GMDS: variants seen among roughly 807,000 people sequenced by gnomAD.
GMDS encodes GDP-mannose 4,6-dehydratase.
Under a neutral mutation model 49.9 loss-of-function variants are expected in GMDS, and 20 were observed. The observed-to-expected ratio is 0.40, with a 90% CI of 0.28 to 0.58. The LOEUF (loss-of-function observed/expected upper bound fraction) is 0.58. GMDS is among the 20% of genes least tolerant of loss of function. The pLI is 0.42. For synonymous variants in GMDS, 177 were observed against 178.6 expected (o/e 0.99, Z 0.07); for missense variants, 362 against 481.4 (o/e 0.75, Z 2.32).
chr6:1,785,557 G>T (rs1034131005), intron 7 of GMDS, among the ~76,000 whole-genome samples: 4 of 152,154 alleles, frequency 2.6e-5, no homozygotes, highest in Admixed American at 2.0e-4. Context: ...CGCCACGTGG[G>T]CCCCCTTGGG....
At chr6:1,891,965 A>G (rs2113841871) in intron 7 of GMDS, among the ~76,000 whole-genome samples, 1 of 152,336 alleles carries the variant, frequency 6.6e-6, no homozygotes, top group Non-Finnish European at 1.5e-5. Context: ...TAGTTACGCC[A>G]TATAAATTGT....
intron 4 of GMDS, among the ~76,000 whole-genome samples, chr6:2,036,165 T>C (rs1314760580): frequency 3.9e-5 from 6 of 152,172 alleles, no homozygotes; most frequent in Non-Finnish European, 7.4e-5. Context: ...AACTCAACCC[T>C]GAACTCCCTT....
chr6:1,745,345 A>T (rs376998777), intron 7 of GMDS, among the ~76,000 whole-genome samples: 8 of 145,488 alleles, frequency 5.5e-5, no homozygotes, highest in Non-Finnish European at 7.6e-5. Flanking sequence ...TTGGAGAAAC[A>T]TGACTGTTGG....
intron 1 of GMDS, among the ~76,000 whole-genome samples, chr6:2,141,865 G>GCTCTCTCTCTCTCTCTCTCTCT (rs67628075): frequency 2.1e-4 from 30 of 145,592 alleles, no homozygotes; most frequent in South Asian, 4.4e-4. Context: ...GGTTGTGCGT[G>GCTCTCTCTCTCTCTCTCTCTCT]CTCTCTCTCT....
chr6:1,664,191 A>T (rs1268416225), intron 9 of GMDS, among the ~76,000 whole-genome samples: 1 of 152,184 alleles, frequency 6.6e-6, no homozygotes, highest in Non-Finnish European at 1.5e-5. Flanking sequence ...CAACTCTTGG[A>T]ATCTTTATCA....
intron 1 of GMDS, among the ~76,000 whole-genome samples, chr6:2,233,469 T>C (rs1781206624): frequency 6.6e-6 from 1 of 152,212 alleles, no homozygotes; most frequent in Non-Finnish European, 1.5e-5. Flanking sequence ...TAACTCTATG[T>C]GGAAGCAGCC....
chr6:1,863,005 A>C (rs1313868158), intron 7 of GMDS, among the ~76,000 whole-genome samples: 1 of 152,256 alleles, frequency 6.6e-6, no homozygotes, highest in Non-Finnish European at 1.5e-5. Flanking sequence ...TTAAAGGCTA[A>C]ACTAGCCACA....
rs535074454 is a variant in GMDS at position 1,636,950 on chromosome 6, G to A, written c.988-12410C>T. Among the ~76,000 whole-genome samples the A allele has an allele frequency of 5.9e-5, 9 of 152,300 alleles. No individual in the cohort carries two copies. In the South Asian group the frequency reaches 1.2e-3, roughly 21 times the overall value. On this transcript the variant is annotated intron_variant, in intron 9 of 10. Transcript: ENST00000380815. ...TCGCTGGGACCGGAAGAACTCTAAC[G>A]GCCCCTCTCCAAGCTACTGCTTGCC...
At chr6:2,177,920 C>T (rs1456655323) in intron 1 of GMDS, among the ~76,000 whole-genome samples, 6 of 152,074 alleles carry the variant, frequency 3.9e-5, no homozygotes, top group Non-Finnish European at 7.4e-5. Flanking sequence ...ATAAAGAAAA[C>T]GTGGTATCTA....
chr6:1,919,720 G>A (rs1376564453), intron 7 of GMDS, among the ~76,000 whole-genome samples: 1 of 152,176 alleles, frequency 6.6e-6, no homozygotes, highest in Non-Finnish European at 1.5e-5. Flanking sequence ...TAGAGTAGAA[G>A]CACATGGAAC....
At chr6:1,624,569 G>C (rs747616435) in intron 9 of GMDS, 29 bp from the exon 10 acceptor site, 1 of 1,564,050 alleles carries the variant, frequency 6.4e-7, no homozygotes, top group Non-Finnish European at 8.8e-7. Flanking sequence ...AGACGAAGCA[G>C]GCGTGGGTCG....
intron 4 of GMDS, among the ~76,000 whole-genome samples, chr6:2,059,799 C>A (rs993570735): frequency 1.9e-4 from 29 of 150,090 alleles, no homozygotes; most frequent in Non-Finnish European, 3.5e-4. Context: ...CTTACCAACC[C>A]CAAATATATA....
At chr6:1,940,164 C>A (rs1045353061) in intron 6 of GMDS, among the ~76,000 whole-genome samples, 1 of 144,942 alleles carries the variant, frequency 6.9e-6, no homozygotes, top group Non-Finnish European at 1.5e-5. Context: ...TACAGATACA[C>A]GATTGTATAT....
chr6:2,088,641 G>A (rs1170401806), intron 4 of GMDS, among the ~76,000 whole-genome samples: 4 of 152,090 alleles, frequency 2.6e-5, no homozygotes, highest in African/African-American at 9.7e-5. Flanking sequence ...GTAAATTAGA[G>A]AACACTGGTT....
At chr6:1,769,715 T>C (rs892501219) in intron 7 of GMDS, among the ~76,000 whole-genome samples, 1 of 152,166 alleles carries the variant, frequency 6.6e-6, no homozygotes, top group Non-Finnish European at 1.5e-5. Context: ...TTTTATTTTT[T>C]TTTTTGAGAC....
At chr6:1,889,748 T>C (rs1390619580) in intron 7 of GMDS, among the ~76,000 whole-genome samples, 2 of 152,184 alleles carry the variant, frequency 1.3e-5, no homozygotes, top group African/African-American at 4.8e-5. Flanking sequence ...AAAGAAACAC[T>C]GTACCCATTA....
intron 7 of GMDS, among the ~76,000 whole-genome samples, chr6:1,846,490 T>C (rs1045174096): frequency 3.9e-5 from 6 of 152,086 alleles, no homozygotes; most frequent in African/African-American, 1.2e-4. Flanking sequence ...TGAACCATAG[T>C]TTATAAAAAA....
At chr6:1,667,136 G>C (rs937066246) in intron 9 of GMDS, among the ~76,000 whole-genome samples, 12 of 152,280 alleles carry the variant, frequency 7.9e-5, no homozygotes, top group African/African-American at 2.9e-4. Flanking sequence ...GTGACGGTAG[G>C]GTTCTATAGA....
intron 7 of GMDS, among the ~76,000 whole-genome samples, chr6:1,853,288 G>T (rs925852506): frequency 6.6e-6 from 1 of 151,642 alleles, no homozygotes; most frequent in Non-Finnish European, 1.5e-5. Context: ...GGAGGCCGAG[G>T]CGGGCGGATC....
Sources: gnomAD v4.1 joint callset for allele counts (sites outside exome capture counted in the v4.1 genomes callset) on GRCh38, gnomAD v4.1.1 for gene constraint, MANE v1.5 for transcripts, NCBI Gene and HGNC (gene_info 2026-07-23, HGNC 2026-07-21) for gene names.